The following SAMD12 variants were observed in gnomAD, a reference collection of about 807,000 sequenced individuals.
The protein encoded by SAMD12 is sterile alpha motif domain-containing protein 12.
SAMD12 carries 9 observed loss-of-function variants against 15.0 expected under a neutral mutation model. The observed-to-expected ratio is 0.60, with a 90% CI of 0.36 to 1.05. SAMD12 has a LOEUF of 1.05. SAMD12 is among the 50% of genes least tolerant of loss of function. The pLI, the probability that SAMD12 is intolerant of heterozygous loss-of-function variation, is 0.01. For synonymous variants in SAMD12, 86 were observed against 90.1 expected (o/e 0.96, Z 0.25); for missense variants, 230 against 234.2 (o/e 0.98, Z 0.12).
At chr8:118,527,128 C>G (rs1825556841) in intron 2 of SAMD12, among the ~76,000 whole-genome samples, 1 of 152,210 alleles carries the variant, frequency 6.6e-6, no homozygotes, top group East Asian at 1.9e-4. Context: ...TCTTCATTCT[C>G]CCTGTCACTG....
intron 2 of SAMD12, among the ~76,000 whole-genome samples, chr8:118,544,568 C>T (rs1003889079): frequency 6.6e-6 from 1 of 152,128 alleles, no homozygotes; most frequent in African/African-American, 2.4e-5. Context: ...GGGATTTCAC[C>T]CCAGGTCACA....
chr8:118,390,863 T>TA (rs1048862878), intron 3 of SAMD12, among the ~76,000 whole-genome samples: 2 of 152,206 alleles, frequency 1.3e-5, no homozygotes, highest in Non-Finnish European at 2.9e-5. Flanking sequence ...GATTTTTTTT[T>TA]ACCTGTCTTG....
intron 2 of SAMD12, among the ~76,000 whole-genome samples, chr8:118,526,466 G>A (rs565699934): frequency 6.6e-6 from 1 of 152,190 alleles, no homozygotes; most frequent in African/African-American, 2.4e-5. Flanking sequence ...ATGAAGCCCA[G>A]AGACCTGTAG....
At chr8:118,539,383 G>C (rs1825931378) in intron 2 of SAMD12, among the ~76,000 whole-genome samples, 1 of 152,176 alleles carries the variant, frequency 6.6e-6, no homozygotes, top group African/African-American at 2.4e-5. Context: ...GAAGAGTATG[G>C]CTGACTTCTA....
rs149806443 is a variant in SAMD12 at position 118,408,340 on chromosome 8, C to T, written c.323-28640G>A. ...GTCATGGTCTCTATCCTCACCTAGA[C>T]GTCAAACCCGCTCAGCAGTTCTTTG... On this transcript the variant is annotated intron_variant, in intron 3 of 3. Coordinates refer to ENST00000314727, the MANE Select transcript of SAMD12 (RefSeq NM_207506.3). 1.8e-4 allele frequency among the ~76,000 whole-genome samples: 27 copies of T among 152,304 alleles called. 1 individual carries two copies. Among genetic ancestry groups the T allele is most frequent in the African/African-American group, 5.3e-4 (22 of 41,552 alleles).
At chr8:118,241,586 CATA>C (rs1812567156) in intron 4 of SAMD12, among the ~76,000 whole-genome samples, 1 of 152,100 alleles carries the variant, frequency 6.6e-6, no homozygotes, top group Non-Finnish European at 1.5e-5. Context: ...TCTTGATAAG[CATA>C]CTGCTGGCCT....
At chr8:118,444,951 T>C (rs911452415) in intron 2 of SAMD12, among the ~76,000 whole-genome samples, 1 of 152,202 alleles carries the variant, frequency 6.6e-6, no homozygotes, top group African/African-American at 2.4e-5. Context: ...TTAGACTGTT[T>C]ACATTCATTG....
At chr8:118,596,777 T>C (rs1007351789) in intron 1 of SAMD12, among the ~76,000 whole-genome samples, 1 of 152,192 alleles carries the variant, frequency 6.6e-6, no homozygotes, top group African/African-American at 2.4e-5. Flanking sequence ...TGAAGAGTAA[T>C]TAGTGAGTAA....
intron 4 of SAMD12, among the ~76,000 whole-genome samples, chr8:118,336,185 C>T (rs1412504287): frequency 6.6e-6 from 1 of 152,194 alleles, no homozygotes; most frequent in East Asian, 1.9e-4. Context: ...CCAGCTCTGA[C>T]TAACTCTAAA....
the SAMD12 span, among the ~76,000 whole-genome samples, chr8:118,164,329 A>T: frequency 2.0e-5 from 3 of 152,168 alleles, no homozygotes; most frequent in Non-Finnish European, 2.9e-5. Flanking sequence ...TGAAGGTCAT[A>T]CCAGGCAGTT....
At chr8:118,515,080 G>A (rs1019458023) in intron 2 of SAMD12, among the ~76,000 whole-genome samples, 5 of 151,860 alleles carry the variant, frequency 3.3e-5, no homozygotes, top group African/African-American at 4.8e-5. Context: ...GTGCGGTGGC[G>A]TGATCTCGGC....
intron 3 of SAMD12, among the ~76,000 whole-genome samples, chr8:118,419,126 T>C (rs1821870599): frequency 6.6e-6 from 1 of 152,190 alleles, no homozygotes; most frequent in South Asian, 2.1e-4. Context: ...GGCTCTATTC[T>C]AGTCAACTGT....
chr8:118,369,629 C>T (rs573110482), intron 4 of SAMD12, among the ~76,000 whole-genome samples: 4 of 152,076 alleles, frequency 2.6e-5, no homozygotes, highest in South Asian at 2.1e-4. Context: ...GCAGGAGAAT[C>T]GCTTGAACCT....
chr8:118,562,739 T>C (rs1826741961), intron 2 of SAMD12, among the ~76,000 whole-genome samples: 1 of 152,192 alleles, frequency 6.6e-6, no homozygotes, highest in South Asian at 2.1e-4. Context: ...AGATATTTAT[T>C]TAGGATTAAA....
chr8:118,283,422 G>C (rs1408116619), intron 4 of SAMD12, among the ~76,000 whole-genome samples: 1 of 152,144 alleles, frequency 6.6e-6, no homozygotes, highest in African/African-American at 2.4e-5. Flanking sequence ...TTTTAGAAGG[G>C]AGTACGTAGC....
At chr8:118,173,166 T>C in the SAMD12 span, among the ~76,000 whole-genome samples, 1 of 152,334 alleles carries the variant, frequency 6.6e-6, no homozygotes, top group East Asian at 1.9e-4. Context: ...ACCTCCTGAG[T>C]GAACAACACT....
intron 2 of SAMD12, among the ~76,000 whole-genome samples, chr8:118,485,563 A>G (rs1170130637): frequency 6.6e-6 from 1 of 152,234 alleles, no homozygotes; most frequent in East Asian, 1.9e-4. Context: ...GTGCTATAGA[A>G]GTCAATTGGC....
At chr8:118,138,162 A>G in the SAMD12 span, among the ~76,000 whole-genome samples, 1 of 151,952 alleles carries the variant, frequency 6.6e-6, no homozygotes, top group Non-Finnish European at 1.5e-5. Flanking sequence ...AGTGATAAGA[A>G]CATGGGTCTT....
the SAMD12 span, among the ~76,000 whole-genome samples, chr8:118,159,394 C>T: frequency 1.3e-5 from 2 of 152,220 alleles, no homozygotes; most frequent in Admixed American, 6.5e-5. Flanking sequence ...GGACCCCATG[C>T]TCACTCTCTA....
Sources: allele counts gnomAD v4.1 joint callset (sites outside exome capture counted in the v4.1 genomes callset), GRCh38; gene constraint gnomAD v4.1.1; transcripts MANE v1.5; gene names NCBI Gene and HGNC (gene_info 2026-07-23, HGNC 2026-07-21).